GNG7: variants seen among roughly 807,000 people sequenced by gnomAD.
The protein encoded by GNG7 is guanine nucleotide-binding protein G(I)/G(S)/G(O) subunit gamma-7.
Under a neutral mutation model 4.0 loss-of-function variants are expected in GNG7, and 1 was observed. The observed-to-expected ratio is 0.25, with a 90% CI of 0.09 to 1.18. The LOEUF (loss-of-function observed/expected upper bound fraction) is 1.18, where lower values mean the gene tolerates loss of function less well. GNG7 is among the 50% of genes most tolerant of loss of function. The probability of loss-of-function intolerance (pLI) is 0.50; values close to 1 mark genes in which losing one functional copy is unlikely to be tolerated. For synonymous variants in GNG7, 34 were observed against 36.9 expected (o/e 0.92, Z 0.29); for missense variants, 86 against 91.9 (o/e 0.94, Z 0.26).
At chr19:2,575,556 CACACGCAGGCACACGCAG>C (rs763915368) in intron 2 of GNG7, among the ~76,000 whole-genome samples, 2,067 of 99,890 alleles carry the variant, frequency 0.021, 57 homozygotes, top group African/African-American at 0.082. Context: ...CACACGCAGA[CACACGCAGGCACACGCAG>C]ACACGCAGGC....
chr19:2,579,489 G>A lies in GNG7; in HGVS notation c.-77-24301C>T, dbSNP rs117586948. Among the ~76,000 whole-genome samples the A allele has an allele frequency of 4.4e-3, 678 of 152,360 alleles. 16 individuals are homozygous for A. In the East Asian group the frequency reaches 0.054, roughly 12 times the overall value. On this transcript the variant is annotated intron_variant, in intron 2 of 4. Coordinates refer to ENST00000382159, the MANE Select transcript of GNG7 (RefSeq NM_052847.3). ...AAGGGCGCTCCCCATGCGAGCCTCT[G>A]AAGCCCTCGGCACACAGCCCTGGAG...
At chr19:2,683,663 T>G (rs1457639415) in intron 1 of GNG7, 1 of 152,248 alleles carries the variant, frequency 6.6e-6, no homozygotes, top group Non-Finnish European at 1.5e-5. Flanking sequence ...ACAGGGGAGC[T>G]GGAGCAGGCG....
At chr19:2,696,249 GAAA>G in intron 1 of GNG7, among the ~76,000 whole-genome samples, 1 of 125,666 alleles carries the variant, frequency 8.0e-6, no homozygotes, top group African/African-American at 3.0e-5. Context: ...GAAAGAAAAA[GAAA>G]AAAGAAAGAA....
At chr19:2,619,182 T>C (rs919192311) in intron 2 of GNG7, among the ~76,000 whole-genome samples, 1 of 152,262 alleles carries the variant, frequency 6.6e-6, no homozygotes, top group East Asian at 1.9e-4. Flanking sequence ...CTCCTTGGAA[T>C]AATCGTCAGG....
At chr19:2,632,816 A>G (rs1982198436) in intron 2 of GNG7, 1 of 152,236 alleles carries the variant, frequency 6.6e-6, no homozygotes, top group African/African-American at 2.4e-5. Flanking sequence ...ATTCAGATCC[A>G]TGTCCGATAA....
At chr19:2,624,524 G>A (rs1303801830) in intron 2 of GNG7, among the ~76,000 whole-genome samples, 2 of 125,618 alleles carry the variant, frequency 1.6e-5, no homozygotes, top group African/African-American at 3.3e-5. Flanking sequence ...GCGAGACTCC[G>A]TCTCAAAAAA....
In GNG7 at chr19:2,634,652, A is replaced by G. The variant is rs1055452715; in HGVS notation, c.-78+11572T>C. On this transcript the variant is annotated intron_variant, in intron 2 of 4. Coordinates refer to ENST00000382159, the MANE Select transcript of GNG7 (RefSeq NM_052847.3). This position sits in a 1 kb window ranked among gnomAD's most constrained non-coding sequence, Gnocchi z 5.3. ...ATGAGCTGTGACCTTCCGGGAGCAG[A>G]GCGTTTTCAGGCTCTGGCTGTATAT... is the stretch of plus-strand genomic sequence containing the variant. Among the ~76,000 whole-genome samples the G allele has an allele frequency of 6.6e-6, 1 of 152,082 alleles. No homozygotes were observed. Among genetic ancestry groups the G allele is most frequent in the African/African-American group, 2.4e-5 (1 of 41,410 alleles).
At chr19:2,570,329 C>G (rs1483968178) in intron 2 of GNG7, among the ~76,000 whole-genome samples, 4 of 152,162 alleles carry the variant, frequency 2.6e-5, no homozygotes, top group African/African-American at 9.7e-5. Context: ...AGATAAACTT[C>G]TATGCTTTAT....
At chr19:2,638,533 G>A (rs1599434710) in intron 2 of GNG7, among the ~76,000 whole-genome samples, 1 of 22,540 alleles carries the variant, frequency 4.4e-5, no homozygotes, top group Non-Finnish European at 1.2e-4. Flanking sequence ...AGGGAAGAGG[G>A]AGGGGAGGAG....
chr19:2,601,135 C>T (rs1006433222), intron 2 of GNG7, among the ~76,000 whole-genome samples: 3 of 151,898 alleles, frequency 2.0e-5, no homozygotes, highest in Non-Finnish European at 2.9e-5. Context: ...ACCTCCCCCC[C>T]GCCACCATCT....
chr19:2,584,712 T>G (rs182920986), intron 2 of GNG7, among the ~76,000 whole-genome samples: 6,323 of 17,402 alleles, frequency 0.36, 537 homozygotes, highest in African/African-American at 0.5. Context: ...GGGAGGGAAG[T>G]AAGGAAGGAA....
At position 2,551,589 on chromosome 19, in the gene GNG7, G is replaced by GTATTGATAAATATATAAA. The variant is rs1421883737; in HGVS notation, c.-38+3559_-38+3560insTTTATATATTTATCAATA. Among the ~76,000 whole-genome samples the GTATTGATAAATATATAAA allele has an allele frequency of 1.4e-5, 2 of 145,756 alleles. 1 individual carries two copies. The stretch of plus-strand genomic sequence containing the variant: ...TCTATTATCTATAATATATAAATAT[G>GTATTGATAAATATATAAA]CATTTATAAATATATAAACAAATAT... On this transcript the variant is annotated intron_variant, in intron 3 of 4. Transcript: ENST00000382159.
chr19:2,540,073 CCT>C (rs3049063), intron 3 of GNG7, among the ~76,000 whole-genome samples: 75 of 128,960 alleles, frequency 5.8e-4, no homozygotes, highest in Admixed American at 7.1e-4. Context: ...CTCCTCCCTC[CCT>C]CTCTCTCTCT....
At chr19:2,521,308 T>G (rs1978307343) in intron 3 of GNG7, among the ~76,000 whole-genome samples, 1 of 151,236 alleles carries the variant, frequency 6.6e-6, no homozygotes, top group African/African-American at 2.4e-5. Flanking sequence ...GCAAAGGCAA[T>G]AGGCCAGGCC....
At chr19:2,545,479 C>T (rs952995759) in intron 3 of GNG7, among the ~76,000 whole-genome samples, 1 of 151,430 alleles carries the variant, frequency 6.6e-6, no homozygotes, top group Admixed American at 6.6e-5. Flanking sequence ...GAAACCCCAT[C>T]TCTACTAAAA....
chr19:2,644,014 C>T (rs1289890038), intron 2 of GNG7, among the ~76,000 whole-genome samples: 2 of 151,836 alleles, frequency 1.3e-5, no homozygotes, highest in African/African-American at 4.8e-5. Context: ...TTTGCATCTA[C>T]ACTTTATTTT....
intron 3 of GNG7, among the ~76,000 whole-genome samples, chr19:2,530,147 TC>T (rs1269826062): frequency 9.9e-5 from 15 of 152,262 alleles, no homozygotes; most frequent in Non-Finnish European, 1.0e-4. Context: ...GTGCGGCGGC[TC>T]ACGCCTGTGA....
intron 1 of GNG7, among the ~76,000 whole-genome samples, chr19:2,685,712 G>A (rs961379520): frequency 6.6e-5 from 10 of 152,158 alleles, no homozygotes; most frequent in African/African-American, 1.4e-4. Flanking sequence ...GGGAAGTCAC[G>A]AGGCCCCGTC....
intron 3 of GNG7, among the ~76,000 whole-genome samples, chr19:2,542,628 C>G (rs1174870338): frequency 6.6e-6 from 1 of 152,166 alleles, no homozygotes; most frequent in Non-Finnish European, 1.5e-5. Flanking sequence ...TGCACCATGA[C>G]CTCCAGAACT....
Sources: gnomAD v4.1 joint callset for allele counts (sites outside exome capture counted in the v4.1 genomes callset) on GRCh38, gnomAD v4.1.1 for gene constraint, Gnocchi (gnomAD v3.1) non-coding constraint, MANE v1.5 for transcripts, NCBI Gene and HGNC (gene_info 2026-07-23, HGNC 2026-07-21) for gene names.